MCU: variants seen among roughly 807,000 people sequenced by gnomAD.
The protein encoded by MCU is calcium uniporter protein, mitochondrial.
Under a neutral mutation model 45.2 loss-of-function variants are expected in MCU, and 12 were observed. The observed-to-expected ratio is 0.27, with a 90% CI of 0.17 to 0.43. The LOEUF is 0.43. Among genes scored for constraint, MCU ranks in the 20% least tolerant of loss-of-function variants. The pLI is 1.00. For synonymous variants in MCU, 160 were observed against 165.1 expected (o/e 0.97, Z 0.24); for missense variants, 324 against 436.7 (o/e 0.74, Z 2.30).
At chr10:72,755,507 G>C (rs1202075816) in intron 1 of MCU, among the ~76,000 whole-genome samples, 1 of 152,064 alleles carries the variant, frequency 6.6e-6, no homozygotes, top group Non-Finnish European at 1.5e-5. Context: ...GGTAGAGTGG[G>C]GAACAATTAT....
At chr10:72,800,861 A>G (rs1353698309) in intron 1 of MCU, among the ~76,000 whole-genome samples, 1 of 152,166 alleles carries the variant, frequency 6.6e-6, no homozygotes, top group African/African-American at 2.4e-5. Context: ...GGTGGCTCAC[A>G]CCTTTAATCT....
At chr10:72,858,873 T>C (rs1007545106) in intron 2 of MCU, among the ~76,000 whole-genome samples, 2 of 152,188 alleles carry the variant, frequency 1.3e-5, no homozygotes, top group African/African-American at 2.4e-5. Context: ...AACCAGGGCT[T>C]GTATTCACCA....
intron 1 of MCU, among the ~76,000 whole-genome samples, chr10:72,828,668 T>TG (rs750916199): frequency 6.6e-6 from 1 of 152,232 alleles, no homozygotes; most frequent in South Asian, 2.1e-4. Flanking sequence ...GAATAATTTA[T>TG]GATCATAGTA....
intron 5 of MCU, among the ~76,000 whole-genome samples, chr10:72,870,771 G>T (rs1006794349): frequency 6.6e-6 from 1 of 152,176 alleles, no homozygotes; most frequent in African/African-American, 2.4e-5. Context: ...AGGTAGGTGT[G>T]CATTTCCCTC....
chr10:72,737,427 G>A (rs1357809633), intron 1 of MCU, among the ~76,000 whole-genome samples: 2 of 152,084 alleles, frequency 1.3e-5, no homozygotes, highest in East Asian at 3.8e-4. Context: ...GTATTGGGTC[G>A]ATAATTTGAA....
At chr10:72,836,119 A>G (rs1477597063) in intron 2 of MCU, among the ~76,000 whole-genome samples, 1 of 152,092 alleles carries the variant, frequency 6.6e-6, no homozygotes, top group Non-Finnish European at 1.5e-5. Flanking sequence ...GATAGTTTGA[A>G]TAAAAAGAAT....
rs201775926 is a variant in MCU at position 72,723,368 on chromosome 10, A to T, written c.150+31067A>T. On this transcript the variant is annotated intron_variant, in intron 1 of 7. Transcript: ENST00000373053. ...AACATATTCAGAATCATTCATTTTT[A>T]AAAAATTTCTTTCTATGATAAAAGT... 2.6e-4 allele frequency among the ~76,000 whole-genome samples: 39 copies of T among 152,226 alleles called. No homozygotes were observed. In the East Asian group the frequency reaches 6.2e-3, roughly 24 times the overall value.
intron 1 of MCU, among the ~76,000 whole-genome samples, chr10:72,702,120 G>A (rs1842766311): frequency 6.6e-6 from 1 of 151,274 alleles, no homozygotes; most frequent in Admixed American, 6.6e-5. Context: ...GGGGGGGAGG[G>A]GGGCGCCATA....
intron 1 of MCU, among the ~76,000 whole-genome samples, chr10:72,823,627 G>A (rs545308634): frequency 6.6e-6 from 1 of 152,208 alleles, no homozygotes; most frequent in Admixed American, 6.5e-5. Context: ...ATTATGTGAA[G>A]TTACACCTTG....
chr10:72,698,652 G>T (rs946803090), intron 1 of MCU, among the ~76,000 whole-genome samples: 1 of 152,116 alleles, frequency 6.6e-6, no homozygotes, highest in Non-Finnish European at 1.5e-5. Context: ...CTAAAGGCAC[G>T]CGCCACCACG....
chr10:72,697,499 T>C (rs1407776117), intron 1 of MCU, among the ~76,000 whole-genome samples: 1 of 145,494 alleles, frequency 6.9e-6, no homozygotes, highest in African/African-American at 2.6e-5. Context: ...AGTGGTGTAA[T>C]CTCGGTTCAC....
chr10:72,799,608 C>T (rs1844307571), intron 1 of MCU, among the ~76,000 whole-genome samples: 1 of 151,894 alleles, frequency 6.6e-6, no homozygotes, highest in Non-Finnish European at 1.5e-5. Flanking sequence ...AGGTACATGC[C>T]ACTATGCCCA....
intron 1 of MCU, among the ~76,000 whole-genome samples, chr10:72,694,640 A>AT (rs767666833): frequency 2.6e-5 from 4 of 152,206 alleles, no homozygotes; most frequent in Non-Finnish European, 4.4e-5. Context: ...CTAAGGTTGA[A>AT]TCTTGCTTGG....
At chr10:72,860,871 T>C (rs143741603) in intron 4 of MCU, among the ~76,000 whole-genome samples, 2 of 152,326 alleles carry the variant, frequency 1.3e-5, no homozygotes, top group African/African-American at 4.8e-5. Context: ...GGGATATCTT[T>C]TTAAAATAAG....
intron 1 of MCU, among the ~76,000 whole-genome samples, chr10:72,821,759 A>G (rs942895395): frequency 6.6e-6 from 1 of 152,212 alleles, no homozygotes; most frequent in Admixed American, 6.5e-5. Context: ...TGGTATTAAA[A>G]GCCCATGGCA....
chr10:72,827,156 A>G (rs1002439072), intron 1 of MCU, among the ~76,000 whole-genome samples: 9 of 152,168 alleles, frequency 5.9e-5, no homozygotes, highest in African/African-American at 2.2e-4. Context: ...TTACATTCTG[A>G]CTTTATTCCC....
At chr10:72,719,758 T>A (rs759035578) in intron 1 of MCU, among the ~76,000 whole-genome samples, 1 of 152,228 alleles carries the variant, frequency 6.6e-6, no homozygotes, top group African/African-American at 2.4e-5. Context: ...CATACAATTA[T>A]ATTCTCTTAG....
intron 1 of MCU, among the ~76,000 whole-genome samples, chr10:72,808,686 C>A (rs1050955031): frequency 6.6e-6 from 1 of 152,206 alleles, no homozygotes; most frequent in African/African-American, 2.4e-5. Context: ...TTTCTGCAGC[C>A]TGTACAGGAA....
chr10:72,870,997 C>G (rs1845533672), intron 5 of MCU, among the ~76,000 whole-genome samples: 1 of 152,098 alleles, frequency 6.6e-6, no homozygotes, highest in Non-Finnish European at 1.5e-5. Flanking sequence ...AGTTCCTGGG[C>G]TCAAGCGATT....
Sources: gnomAD v4.1 joint callset for allele counts (sites outside exome capture counted in the v4.1 genomes callset) on GRCh38, gnomAD v4.1.1 for gene constraint, MANE v1.5 for transcripts, NCBI Gene and HGNC (gene_info 2026-07-23, HGNC 2026-07-21) for gene names.